GAS2: variants seen among roughly 807,000 people sequenced by gnomAD.
GAS2 encodes growth arrest specific 2.
In GAS2, 20 loss-of-function variants were observed where a neutral mutation model predicts 37.5. The observed-to-expected ratio is 0.53, with a 90% CI of 0.37 to 0.77. The LOEUF is 0.77. Among genes scored for constraint, GAS2 ranks in the 30% least tolerant of loss-of-function variants. The pLI is 0.00. For missense variants in GAS2, 336 were observed against 373.4 expected, an observed-to-expected ratio of 0.90 and a Z score of 0.82; for synonymous variants, 144 against 132.2, an observed-to-expected ratio of 1.09 and a Z score of -0.61.
chr11:22,637,771 ATAT>A (rs1293262130), intron 1 of GAS2, among the ~76,000 whole-genome samples: 6 of 145,432 alleles, frequency 4.1e-5, no homozygotes, highest in African/African-American at 1.5e-4. Context: ...TTATATTTAT[ATAT>A]TATTCATATA....
intron 2 of GAS2, among the ~76,000 whole-genome samples, chr11:22,684,055 G>T (rs1343093789): frequency 6.6e-6 from 1 of 152,190 alleles, no homozygotes; most frequent in Non-Finnish European, 1.5e-5. Flanking sequence ...GAGGTAGAAG[G>T]TAGGGCATTG....
intron 7 of GAS2, among the ~76,000 whole-genome samples, chr11:22,772,356 A>T: frequency 6.6e-6 from 1 of 152,136 alleles, no homozygotes; most frequent in African/African-American, 2.4e-5. Flanking sequence ...AAATAATATG[A>T]GTACCTCTGT....
At chr11:22,652,524 C>G (rs1376806738) in intron 1 of GAS2, among the ~76,000 whole-genome samples, 1 of 152,230 alleles carries the variant, frequency 6.6e-6, no homozygotes. Flanking sequence ...CCCAGCCTGG[C>G]TGCCGCCTTG....
chr11:22,658,332 G>T (rs544321035), intron 1 of GAS2, among the ~76,000 whole-genome samples: 1 of 152,110 alleles, frequency 6.6e-6, no homozygotes, highest in African/African-American at 2.4e-5. Context: ...CCTGGCCTTT[G>T]CTTTTAAAAG....
intron 3 of GAS2, among the ~76,000 whole-genome samples, chr11:22,710,410 A>T (rs1321575021): frequency 6.6e-6 from 1 of 152,046 alleles, no homozygotes; most frequent in East Asian, 1.9e-4. Flanking sequence ...AACAATGATA[A>T]ATTATGATGT....
chr11:22,692,730 G>A (rs997172914), intron 3 of GAS2, among the ~76,000 whole-genome samples: 1 of 152,016 alleles, frequency 6.6e-6, no homozygotes, highest in African/African-American at 2.4e-5. Context: ...TGATTTTTGG[G>A]GACCCAAGAT....
intron 4 of GAS2, among the ~76,000 whole-genome samples, chr11:22,729,419 G>A (rs1852368786): frequency 6.6e-6 from 1 of 151,838 alleles, no homozygotes; most frequent in African/African-American, 2.4e-5. Flanking sequence ...AGAAGGGAGA[G>A]CAACTAATTC....
intron 2 of GAS2, among the ~76,000 whole-genome samples, chr11:22,676,990 A>G (rs1449618312): frequency 6.6e-6 from 1 of 152,196 alleles, no homozygotes; most frequent in Non-Finnish European, 1.5e-5. Context: ...GCAGTAAATA[A>G]TAACTATTGT....
At chr11:22,694,723 A>G (rs1388337447) in intron 3 of GAS2, among the ~76,000 whole-genome samples, 3 of 152,182 alleles carry the variant, frequency 2.0e-5, no homozygotes, top group East Asian at 1.9e-4. Context: ...ATGCTAGCCC[A>G]TTGAATTTGG....
intron 5 of GAS2, among the ~76,000 whole-genome samples, chr11:22,747,701 TG>T (rs1853487759): frequency 6.6e-6 from 1 of 151,998 alleles, no homozygotes; most frequent in Non-Finnish European, 1.5e-5. Context: ...ACAAGCAAAG[TG>T]GGGGGTCCAT....
At chr11:22,630,662 G>C (rs939349786) in intron 1 of GAS2, among the ~76,000 whole-genome samples, 1 of 152,210 alleles carries the variant, frequency 6.6e-6, no homozygotes, top group Admixed American at 6.5e-5. Flanking sequence ...TCAGTTGATT[G>C]TAAGTATTTG....
chr11:22,705,647 A>C (rs1264859866), intron 3 of GAS2, among the ~76,000 whole-genome samples: 1 of 152,228 alleles, frequency 6.6e-6, no homozygotes, highest in Non-Finnish European at 1.5e-5. Flanking sequence ...AACATACATT[A>C]CAATGAAAAC....
At chr11:22,755,257 ATAGG>A (rs1289770132) in intron 6 of GAS2, among the ~76,000 whole-genome samples, 4 of 152,140 alleles carry the variant, frequency 2.6e-5, no homozygotes, top group Non-Finnish European at 5.9e-5. Flanking sequence ...GTAGGGTTTG[ATAGG>A]TAGGAATTAC....
chr11:22,669,562 ACTACAC>A (rs1849121536), intron 1 of GAS2, among the ~76,000 whole-genome samples: 1 of 152,198 alleles, frequency 6.6e-6, no homozygotes, highest in Admixed American at 6.5e-5. Flanking sequence ...GAGAGTCAGC[ACTACAC>A]TAAATTAAGG....
intron 7 of GAS2, among the ~76,000 whole-genome samples, chr11:22,764,278 C>T (rs575519856): frequency 3.0e-4 from 46 of 152,166 alleles, no homozygotes; most frequent in African/African-American, 9.9e-4. Flanking sequence ...GCAAGAAAGA[C>T]GGCCGGGCAC....
intron 3 of GAS2, among the ~76,000 whole-genome samples, chr11:22,691,848 G>A (rs1358837330): frequency 6.6e-6 from 1 of 152,034 alleles, no homozygotes; most frequent in East Asian, 1.9e-4. Context: ...TCCTGAGGTT[G>A]AATTATTTCT....
At chr11:22,727,872 G>A (rs1352078595) in intron 4 of GAS2, among the ~76,000 whole-genome samples, 1 of 151,938 alleles carries the variant, frequency 6.6e-6, no homozygotes, top group Non-Finnish European at 1.5e-5. Flanking sequence ...GGAAGGGGGT[G>A]TAAAAGAATT....
At chr11:22,763,720 C>T (rs984940884) in intron 7 of GAS2, among the ~76,000 whole-genome samples, 1 of 151,510 alleles carries the variant, frequency 6.6e-6, no homozygotes, top group African/African-American at 2.4e-5. Context: ...ATATTAATGC[C>T]TAGATTTGTT....
chr11:22,682,869 T>TAAAAAAAAAAAAAAAAAAAAAA (rs371098220), intron 2 of GAS2, among the ~76,000 whole-genome samples: 1 of 78,932 alleles, frequency 1.3e-5, no homozygotes, highest in Non-Finnish European at 2.1e-5. Context: ...CACTTTCTGC[T>TAAAAAAAAAAAAAAAAAAAAAA]AAAAAAAAAA....
Sources: allele counts gnomAD v4.1 joint callset (sites outside exome capture counted in the v4.1 genomes callset), GRCh38; gene constraint gnomAD v4.1.1; transcripts MANE v1.5; gene names NCBI Gene and HGNC (gene_info 2026-07-23, HGNC 2026-07-21).